PTPRK: variants seen among roughly 807,000 people sequenced by gnomAD.
PTPRK encodes receptor-type tyrosine-protein phosphatase kappa.
Under a neutral mutation model 178.0 loss-of-function variants are expected in PTPRK, and 75 were observed. The ratio of observed to expected loss-of-function variants is 0.42; its 90% CI spans 0.35 to 0.51. The LOEUF is 0.51. Among genes scored for constraint, PTPRK ranks in the 20% least tolerant of loss-of-function variants. PTPRK has a pLI of 0.02. For synonymous variants in PTPRK, 637 were observed against 620.6 expected (o/e 1.03, Z -0.39); for missense variants, 1,441 against 1,797.8 (o/e 0.80, Z 3.59).
intron 1 of PTPRK, chr6:128,472,818 T>A (rs1389143167): frequency 5.5e-6 from 1 of 183,464 alleles, no homozygotes; most frequent in African/African-American, 2.4e-5. Flanking sequence ...GTGAACCAAA[T>A]CTAGTCTGCC....
intron 3 of PTPRK, among the ~76,000 whole-genome samples, chr6:128,260,977 G>A (rs1030953047): frequency 2.6e-5 from 4 of 152,028 alleles, no homozygotes; most frequent in Non-Finnish European, 5.9e-5. Flanking sequence ...CTCTTTTTAT[G>A]TATAGGCTGA....
At chr6:128,225,156 A>G (rs982932452) in intron 5 of PTPRK, among the ~76,000 whole-genome samples, 2 of 152,196 alleles carry the variant, frequency 1.3e-5, no homozygotes, top group Non-Finnish European at 2.9e-5. Context: ...TGTCGAGATT[A>G]TTTCAAGGCT....
At chr6:128,127,479 T>TAA (rs375408741) in intron 7 of PTPRK, among the ~76,000 whole-genome samples, 66 of 152,344 alleles carry the variant, frequency 4.3e-4, no homozygotes, top group African/African-American at 1.3e-3. Context: ...CAGTGTTTTA[T>TAA]AGTTTTCCCA....
At chr6:128,239,909 CCCACTACATGCGTGTGCACA>C (rs1425884799) in intron 5 of PTPRK, 106 bp downstream of exon 5, 1 of 570,414 alleles carries the variant, frequency 1.8e-6, no homozygotes, top group African/African-American at 1.9e-5. Context: ...GACAGCCTGT[CCCACTACATGCGTGTGCACA>C]CGCACACACA....
rs1013446613 is a variant in PTPRK, at chr6:128,423,600, C to T, written c.101-25912G>A. 7.9e-5 allele frequency among the ~76,000 whole-genome samples: 12 copies of T among 152,004 alleles called. 1 individual carries two copies. The highest frequency in any genetic ancestry group is 4.6e-4 in the Admixed American group (7 of 15,268). The stretch of plus-strand genomic sequence containing the variant: ...AGTCCCACACTTTGGGAGGCAGAGG[C>T]GGGTGGATCATGAGGTCAGGAGTTC... On this transcript the variant is annotated intron_variant, in intron 1 of 29. Transcript: ENST00000368226.
At chr6:128,474,970 C>T (rs993044062) in intron 1 of PTPRK, among the ~76,000 whole-genome samples, 2 of 152,106 alleles carry the variant, frequency 1.3e-5, no homozygotes, top group African/African-American at 2.4e-5. Context: ...TGTGGCAAGG[C>T]AGGCCACATT....
chr6:128,011,292 T>C (rs1779023102), intron 13 of PTPRK, among the ~76,000 whole-genome samples: 1 of 151,146 alleles, frequency 6.6e-6, no homozygotes. Context: ...TATGAGACAC[T>C]TGGCTTTCAG....
intron 3 of PTPRK, among the ~76,000 whole-genome samples, chr6:128,309,324 G>T (rs1023189962): frequency 6.6e-6 from 1 of 152,086 alleles, no homozygotes; most frequent in African/African-American, 2.4e-5. Context: ...AAGAGGAGTG[G>T]GAAGTGAAAG....
chr6:128,375,499 G>A (rs1188787624), intron 2 of PTPRK, among the ~76,000 whole-genome samples: 1 of 151,888 alleles, frequency 6.6e-6, no homozygotes, highest in Non-Finnish European at 1.5e-5. Context: ...TCTCCCACTG[G>A]GTCCCTCCCA....
chr6:127,988,808 ATT>A (rs1412584039), intron 21 of PTPRK, among the ~76,000 whole-genome samples: 1 of 150,688 alleles, frequency 6.6e-6, no homozygotes. Context: ...CTTTTTTCTC[ATT>A]TGTTTCTTTT....
chr6:128,233,191 A>G (rs1369506272), intron 5 of PTPRK, among the ~76,000 whole-genome samples: 1 of 152,238 alleles, frequency 6.6e-6, no homozygotes, highest in East Asian at 1.9e-4. Flanking sequence ...GCATAGAAAA[A>G]TGCTATAGCA....
intron 3 of PTPRK, among the ~76,000 whole-genome samples, chr6:128,299,940 A>G (rs1180578807): frequency 6.6e-6 from 1 of 152,128 alleles, no homozygotes; most frequent in African/African-American, 2.4e-5. Context: ...CAGGCAACCT[A>G]CAAAATGGGA....
At chr6:128,485,172 C>T (rs937700264) in intron 1 of PTPRK, among the ~76,000 whole-genome samples, 12 of 152,152 alleles carry the variant, frequency 7.9e-5, no homozygotes, top group Non-Finnish European at 1.3e-4. Context: ...AAAATGTTAA[C>T]CTATGACTCT....
rs1299651205 is a variant in PTPRK at position 128,294,048 on chromosome 6, C to T, written c.495+27991G>A. 2.0e-5 allele frequency among the ~76,000 whole-genome samples: 3 copies of T among 152,098 alleles called. No individual in the cohort carries two copies. In the East Asian group the frequency reaches 5.8e-4, roughly 29 times the overall value. Reference sequence around the variant, plus strand: ...TCTTTTAATCTTTGCTTTTTTTATACTTCCCCATCTCCATCATATTACATA... The same window carrying T: ...TCTTTTAATCTTTGCTTTTTTTATATTTCCCCATCTCCATCATATTACATA... On this transcript the variant is annotated intron_variant, in intron 3 of 29. Transcript: ENST00000368226.
At chr6:128,339,004 T>C (rs1831315389) in intron 2 of PTPRK, among the ~76,000 whole-genome samples, 1 of 152,190 alleles carries the variant, frequency 6.6e-6, no homozygotes, top group Non-Finnish European at 1.5e-5. Flanking sequence ...ATAATGCTAT[T>C]ATGTTTTTTG....
chr6:128,145,043 A>C (rs1345577065), intron 7 of PTPRK, among the ~76,000 whole-genome samples: 1 of 152,140 alleles, frequency 6.6e-6, no homozygotes, highest in African/African-American at 2.4e-5. Context: ...TTGACTTTCC[A>C]ACAGCTACAC....
intron 1 of PTPRK, among the ~76,000 whole-genome samples, chr6:128,473,004 C>T (rs1487714354): frequency 6.6e-6 from 1 of 152,030 alleles, no homozygotes; most frequent in Non-Finnish European, 1.5e-5. Context: ...TTTTCAAACA[C>T]CTGATATAAT....
At chr6:128,218,083 A>G (rs1421227972) in intron 6 of PTPRK, among the ~76,000 whole-genome samples, 4 of 152,130 alleles carry the variant, frequency 2.6e-5, no homozygotes, top group Non-Finnish European at 5.9e-5. Context: ...AGAACACCTT[A>G]ACTAAAATAT....
intron 13 of PTPRK, among the ~76,000 whole-genome samples, chr6:128,033,461 A>G (rs1278324028): frequency 6.6e-6 from 1 of 152,216 alleles, no homozygotes; most frequent in Non-Finnish European, 1.5e-5. Flanking sequence ...TTAGAACAGC[A>G]TATGTCTGCT....
Sources: gnomAD v4.1 joint callset for allele counts (sites outside exome capture counted in the v4.1 genomes callset) on GRCh38, gnomAD v4.1.1 for gene constraint, MANE v1.5 for transcripts, NCBI Gene and HGNC (gene_info 2026-07-23, HGNC 2026-07-21) for gene names.